Variants in SUMF1 observed in about 807,000 individuals in gnomAD.
The protein encoded by SUMF1 is formylglycine-generating enzyme.
Under a neutral mutation model 47.6 loss-of-function variants are expected in SUMF1, and 48 were observed. The observed-to-expected ratio is 1.01, with a 90% CI of 0.80 to 1.28. SUMF1 has a LOEUF of 1.28. Among genes scored for constraint, SUMF1 ranks in the 50% most tolerant of loss-of-function variants. SUMF1 has a pLI of 0.00. For synonymous variants in SUMF1, 230 were observed against 192.1 expected (o/e 1.20, Z -1.63); for missense variants, 571 against 485.4 (o/e 1.18, Z -1.66).
At chr3:4,306,618 G>C (rs1270750376) in intron 8 of SUMF1, among the ~76,000 whole-genome samples, 1 of 152,174 alleles carries the variant, frequency 6.6e-6, no homozygotes, top group Non-Finnish European at 1.5e-5. Context: ...GATCAAACAT[G>C]CTTGAAACAT....
intron 3 of SUMF1, among the ~76,000 whole-genome samples, chr3:4,440,415 T>A (rs533021827): frequency 3.0e-4 from 46 of 152,198 alleles, no homozygotes; most frequent in African/African-American, 8.7e-4. Context: ...TTTTGGGGAG[T>A]GTGACCTTAG....
At chr3:4,317,166 G>T in intron 8 of SUMF1, 1 of 1,549,888 alleles carries the variant, frequency 6.5e-7, no homozygotes, top group Non-Finnish European at 8.7e-7. Flanking sequence ...CCAAAGCACG[G>T]ATTTTTACGC....
chr3:4,432,876 A>T (rs1702279067), intron 3 of SUMF1, among the ~76,000 whole-genome samples: 1 of 152,156 alleles, frequency 6.6e-6, no homozygotes, highest in Non-Finnish European at 1.5e-5. Flanking sequence ...ATTATTTTTC[A>T]TGAAAAAAGT....
At chr3:4,247,859 G>C (rs191065057) in intron 8 of SUMF1, among the ~76,000 whole-genome samples, 1 of 152,178 alleles carries the variant, frequency 6.6e-6, no homozygotes, top group Non-Finnish European at 1.5e-5. Context: ...AAATGTCTCA[G>C]TTCCAGTCTA....
chr3:4,130,903 A>G (rs1266606984), intron 8 of SUMF1, among the ~76,000 whole-genome samples: 2 of 152,138 alleles, frequency 1.3e-5, no homozygotes, highest in Non-Finnish European at 2.9e-5. Context: ...CACTTGGGCC[A>G]TATGACCCAA....
chr3:4,162,514 G>A (rs965357188), intron 8 of SUMF1, among the ~76,000 whole-genome samples: 1 of 152,152 alleles, frequency 6.6e-6, no homozygotes, highest in Admixed American at 6.5e-5. Context: ...TGCCCCTCTT[G>A]CTAGGGCCTG....
At chr3:4,275,912 C>G (rs1267027382) in intron 8 of SUMF1, among the ~76,000 whole-genome samples, 2 of 152,152 alleles carry the variant, frequency 1.3e-5, no homozygotes, top group African/African-American at 4.8e-5. Flanking sequence ...TGCTCACATA[C>G]TAGAATCCTA....
At chr3:4,369,670 A>T (rs1308428370) in intron 8 of SUMF1, among the ~76,000 whole-genome samples, 1 of 152,190 alleles carries the variant, frequency 6.6e-6, no homozygotes, top group Admixed American at 6.5e-5. Context: ...ACCTCAGCAT[A>T]CATAAGAATG....
At chr3:4,056,763 A>T (rs1300376891) in intron 9 of SUMF1, among the ~76,000 whole-genome samples, 1 of 151,366 alleles carries the variant, frequency 6.6e-6, no homozygotes, top group African/African-American at 2.4e-5. Flanking sequence ...TTTTTTTGAG[A>T]TGGGGTCTTG....
chr3:4,435,927 G>A (rs1396275129), intron 3 of SUMF1, among the ~76,000 whole-genome samples: 1 of 152,182 alleles, frequency 6.6e-6, no homozygotes. Context: ...GGAACTTTAG[G>A]AATGAAGGAA....
intron 8 of SUMF1, among the ~76,000 whole-genome samples, chr3:4,158,760 T>C (rs1402458101): frequency 1.3e-5 from 2 of 151,626 alleles, no homozygotes; most frequent in African/African-American, 4.9e-5. Flanking sequence ...TTTATAGTTT[T>C]TGTCTTGAAA....
chr3:4,410,666 T>C (rs1701510120), intron 7 of SUMF1, among the ~76,000 whole-genome samples, 199 bp downstream of exon 7: 1 of 152,230 alleles, frequency 6.6e-6, no homozygotes, highest in East Asian at 1.9e-4. Context: ...CAGGAAAAGA[T>C]AACATGCTCA....
chr3:4,417,617 G>A (rs1295621272), intron 5 of SUMF1, among the ~76,000 whole-genome samples: 2 of 152,208 alleles, frequency 1.3e-5, no homozygotes. Flanking sequence ...GCCTTTCCTA[G>A]AAGATGTGAA....
At chr3:4,334,841 A>G (rs73121621) in intron 8 of SUMF1, among the ~76,000 whole-genome samples, 6,019 of 152,308 alleles carry the variant, frequency 0.04, 385 homozygotes, top group African/African-American at 0.13. Context: ...ATTTTAGGTC[A>G]GACTTTTTTG....
intron 8 of SUMF1, among the ~76,000 whole-genome samples, chr3:4,182,344 C>G (rs1445139746): frequency 6.6e-6 from 1 of 151,106 alleles, no homozygotes; most frequent in Non-Finnish European, 1.5e-5. Flanking sequence ...AACCAGTAAT[C>G]TGTGCATGAT....
At chr3:4,352,795 G>T (rs1699531807) in intron 8 of SUMF1, among the ~76,000 whole-genome samples, 1 of 151,574 alleles carries the variant, frequency 6.6e-6, no homozygotes, top group South Asian at 2.1e-4. Context: ...CTGTGAAGGG[G>T]CCAGGGAAGC....
intron 8 of SUMF1, among the ~76,000 whole-genome samples, chr3:4,348,874 TCAAACAAA>T (rs373677206): frequency 6.6e-6 from 1 of 151,916 alleles, no homozygotes; most frequent in African/African-American, 2.4e-5. Flanking sequence ...AAGCGCCGTC[TCAAACAAA>T]CAAACAAACA....
intron 8 of SUMF1, among the ~76,000 whole-genome samples, chr3:4,104,008 C>G (rs1469322276): frequency 6.6e-6 from 1 of 152,100 alleles, no homozygotes; most frequent in Non-Finnish European, 1.5e-5. Flanking sequence ...TTTCAGAAGT[C>G]TGGATATGAG....
At chr3:4,293,955 A>G (rs939077014) in intron 8 of SUMF1, among the ~76,000 whole-genome samples, 3 of 152,236 alleles carry the variant, frequency 2.0e-5, no homozygotes, top group Non-Finnish European at 4.4e-5. Flanking sequence ...AGAAACATAA[A>G]TGGTGAGAAA....
Sources: gnomAD v4.1 joint callset for allele counts (sites outside exome capture counted in the v4.1 genomes callset) on GRCh38, gnomAD v4.1.1 for gene constraint, MANE v1.5 for transcripts, NCBI Gene and HGNC (gene_info 2026-07-23, HGNC 2026-07-21) for gene names.